The following RIC8B variants were observed in gnomAD, a reference collection of about 807,000 sequenced individuals.
The protein encoded by RIC8B is chaperone Ric-8B.
In RIC8B, 16 loss-of-function variants were observed where a neutral mutation model predicts 57.5. The ratio of observed to expected loss-of-function variants is 0.28; its 90% CI spans 0.19 to 0.42. The LOEUF is 0.42. Among genes scored for constraint, RIC8B ranks in the 10% least tolerant of loss-of-function variants. The probability of loss-of-function intolerance (pLI) is 1.00; values close to 1 mark genes in which losing one functional copy is unlikely to be tolerated. For missense variants in RIC8B, 481 were observed against 677.0 expected (o/e 0.71, Z 3.21); for synonymous variants, 216 against 250.8 (o/e 0.86, Z 1.31).
intron 2 of RIC8B, among the ~76,000 whole-genome samples, chr12:106,790,572 T>C (rs1209628545): frequency 6.6e-6 from 1 of 152,178 alleles, no homozygotes; most frequent in Non-Finnish European, 1.5e-5. Context: ...GTCATGCAAA[T>C]ATGTAGGATT....
chr12:106,860,429 C>T lies in RIC8B; in HGVS notation c.1451+17C>T. On this transcript the variant is annotated intron_variant, in intron 8 of 9. Transcript: ENST00000392837. Reference sequence around the variant, plus strand: ...AAAACCAAAGTATAGTATCAAATTTCTTTTCACCTAACTATGGCTGTGCCT... The same window carrying T: ...AAAACCAAAGTATAGTATCAAATTTTTTTTCACCTAACTATGGCTGTGCCT... 1 of 1,517,612 alleles carries T rather than the reference C, an allele frequency of 6.6e-7. No individual in the cohort carries two copies. Among genetic ancestry groups the T allele is most frequent in the Non-Finnish European group, 8.9e-7 (1 of 1,129,472 alleles). The allele number at this position is 1,517,612 out of a possible 1,614,324, so 94.0% of individuals were successfully genotyped here. A position where few individuals can be genotyped will look rare whatever the true frequency, so the allele number is the denominator to read the frequency against.
At position 106,855,027 on chromosome 12, in the gene RIC8B, G is replaced by A. The variant is rs147682591; in HGVS notation, c.1306+3433G>A. On this transcript the variant is annotated intron_variant, in intron 7 of 9. Transcript: ENST00000392837. ...CCTTCTACTAGGGGCCTAAAAATAGGCCTTACATTGTTTAATTAAAAGAAG... is the reference window on the plus strand; with the variant it reads ...CCTTCTACTAGGGGCCTAAAAATAGACCTTACATTGTTTAATTAAAAGAAG... Among the ~76,000 whole-genome samples, 41 of 152,236 alleles carry A rather than the reference G, an allele frequency of 2.7e-4. 1 individual carries two copies. Among genetic ancestry groups the A allele is most frequent in the African/African-American group, 9.4e-4 (39 of 41,530 alleles).
In RIC8B at chr12:106,864,533, G is replaced by A. The variant is rs78412105; in HGVS notation, c.1451+4121G>A. On this transcript the variant is annotated intron_variant, in intron 8 of 9. Transcript: ENST00000392837. ...ATGAGAAAACTAAAGGCAATGAATC[G>A]AGTAATTTGTCCAGGGCAAACAGTT... is the stretch of plus-strand genomic sequence containing the variant. Among the ~76,000 whole-genome samples the A allele has an allele frequency of 3.2e-3, 482 of 152,196 alleles. 5 individuals are homozygous for A. Among genetic ancestry groups the A allele is most frequent in the African/African-American group, 0.011 (464 of 41,532 alleles).
chr12:106,886,374 T>TGA lies in RIC8B; in HGVS notation c.*361_*362dup. On this transcript the variant is annotated 3_prime_UTR_variant, in exon 10 of 10. Transcript: ENST00000392837. ...AGCCATGTCCTTCCCCTCACTTGTGTGAGTGGCCCCTTCTGAATCTCTCCA... is the reference window on the plus strand; with the variant it reads ...AGCCATGTCCTTCCCCTCACTTGTGTGAGAGTGGCCCCTTCTGAATCTCTCCA... 5.5e-6 allele frequency: 1 copy of TGA among 183,202 alleles called. No individual in the cohort carries two copies. Among genetic ancestry groups the TGA allele is most frequent in the African/African-American group, 2.4e-5 (1 of 42,394 alleles). 11.3% of individuals were successfully genotyped at this position (183,202 alleles called of 1,614,324 possible). A position where few individuals can be genotyped will look rare whatever the true frequency, so the allele number is the denominator to read the frequency against.
chr12:106,844,392 A>G (rs1300596798), intron 6 of RIC8B, among the ~76,000 whole-genome samples: 3 of 152,184 alleles, frequency 2.0e-5, no homozygotes, highest in African/African-American at 7.2e-5. Flanking sequence ...TTGGAAAGGA[A>G]TGTCCCTGAG....
chr12:106,775,704 T>C (rs2043441595), intron 1 of RIC8B, among the ~76,000 whole-genome samples: 1 of 152,224 alleles, frequency 6.6e-6, no homozygotes, highest in South Asian at 2.1e-4. Flanking sequence ...CGTTAGCTCT[T>C]CATTACTTTT....
At chr12:106,805,320 C>T (rs1415779915) in intron 2 of RIC8B, among the ~76,000 whole-genome samples, 1 of 152,138 alleles carries the variant, frequency 6.6e-6, no homozygotes, top group Non-Finnish European at 1.5e-5. Flanking sequence ...TTCCACCAAT[C>T]ATTCAGTCAA....
chr12:106,850,515 GACAA>G (rs1366651227), intron 6 of RIC8B, among the ~76,000 whole-genome samples: 1 of 152,146 alleles, frequency 6.6e-6, no homozygotes, highest in Non-Finnish European at 1.5e-5. Context: ...CAAACTAACA[GACAA>G]ACTAAGAAAG....
chr12:106,788,614 C>A (rs1045085762), intron 2 of RIC8B, among the ~76,000 whole-genome samples: 4 of 152,234 alleles, frequency 2.6e-5, no homozygotes, highest in African/African-American at 7.2e-5. Context: ...AGGCTCAACA[C>A]CACATGGAAG....
chr12:106,799,092 G>C (rs2044614641), intron 2 of RIC8B, among the ~76,000 whole-genome samples: 1 of 152,120 alleles, frequency 6.6e-6, no homozygotes, highest in African/African-American at 2.4e-5. Flanking sequence ...GGTGTACATA[G>C]GTGCTCAGTA....
chr12:106,803,533 G>A (rs2044849859), intron 2 of RIC8B, among the ~76,000 whole-genome samples: 1 of 152,152 alleles, frequency 6.6e-6, no homozygotes, highest in African/African-American at 2.4e-5. Flanking sequence ...GCTGGTACTG[G>A]AAAGTTATTG....
intron 9 of RIC8B, 84 bp from the exon 10 acceptor site, chr12:106,885,820 G>C: frequency 1.3e-6 from 1 of 776,698 alleles, no homozygotes; most frequent in South Asian, 1.7e-5. Context: ...TTTTTAAAAG[G>C]TTGTGGATTT....
intron 2 of RIC8B, among the ~76,000 whole-genome samples, chr12:106,812,451 T>A (rs920416068): frequency 6.6e-6 from 1 of 151,674 alleles, no homozygotes; most frequent in Admixed American, 6.6e-5. Context: ...GTTTGTTTTT[T>A]TTTTTTTAAT....
In RIC8B at chr12:106,815,374, C is replaced by G. The variant is rs2045527914; in HGVS notation, c.741+70C>G. On this transcript the variant is annotated intron_variant, in intron 3 of 9. Transcript: ENST00000392837. ...TCTGGGACATCCCTAGAGTTTCCTGCAAGAGAAGAATACAAGTTGGGAAAT... is the reference window on the plus strand; with the variant it reads ...TCTGGGACATCCCTAGAGTTTCCTGGAAGAGAAGAATACAAGTTGGGAAAT... 9.5e-6 allele frequency: 14 copies of G among 1,472,936 alleles called. No individual in the cohort carries two copies. In the South Asian group the frequency reaches 1.1e-4, roughly 11 times the overall value. 91.2% of individuals were successfully genotyped at this position (1,472,936 alleles called of 1,614,324 possible).
chr12:106,876,794 T>C (rs1310918054), intron 9 of RIC8B, among the ~76,000 whole-genome samples: 1 of 152,150 alleles, frequency 6.6e-6, no homozygotes, highest in Non-Finnish European at 1.5e-5. Flanking sequence ...TTTGTTCTCT[T>C]AGTTCTCCTC....
At chr12:106,823,391 A>G (rs916110068) in intron 3 of RIC8B, 21 of 454,642 alleles carry the variant, frequency 4.6e-5, no homozygotes, top group African/African-American at 4.2e-4. Flanking sequence ...AGAGTAAAAG[A>G]GGACATTGTA....
chr12:106,869,219 CTG>C (rs753842520), intron 8 of RIC8B, among the ~76,000 whole-genome samples: 13 of 152,096 alleles, frequency 8.5e-5, no homozygotes, highest in Non-Finnish European at 1.8e-4. Flanking sequence ...ATGGTGAGCA[CTG>C]AGTCCTTCCA....
At chr12:106,804,434 C>T (rs528906675) in intron 2 of RIC8B, among the ~76,000 whole-genome samples, 18 of 152,140 alleles carry the variant, frequency 1.2e-4, no homozygotes, top group Admixed American at 4.6e-4. Context: ...AGGCTGGTCT[C>T]GGAACTTCTG....
chr12:106,843,445 G>T (rs916620764), intron 5 of RIC8B, among the ~76,000 whole-genome samples: 1 of 152,148 alleles, frequency 6.6e-6, no homozygotes, highest in African/African-American at 2.4e-5. Flanking sequence ...TTTAGGAAAA[G>T]AATTTTTAAA....
Sources: gnomAD v4.1 joint callset for allele counts (sites outside exome capture counted in the v4.1 genomes callset) on GRCh38, gnomAD v4.1.1 for gene constraint, MANE v1.5 for transcripts, NCBI Gene and HGNC (gene_info 2026-07-23, HGNC 2026-07-21) for gene names.